Variants in CSMD3 observed in about 807,000 individuals in gnomAD.
The protein encoded by CSMD3 is CUB and Sushi multiple domains 3.
A neutral mutation model predicts 435.2 loss-of-function variants in CSMD3; 177 were observed. That is an observed-to-expected ratio of 0.41 (90% CI 0.36 to 0.46). CSMD3 has a LOEUF of 0.46. Ranked by LOEUF, CSMD3 falls within the 20% of genes least tolerant of loss-of-function variation. The pLI, the probability that CSMD3 is intolerant of heterozygous loss-of-function variation, is 0.34. For synonymous variants in CSMD3, 1,656 were observed against 1,520.5 expected, an observed-to-expected ratio of 1.09 and a Z score of -2.07; for missense variants, 4,265 against 4,504.6, an observed-to-expected ratio of 0.95 and a Z score of 1.52.
rs988511908 is a variant in CSMD3 at position 112,295,850 on chromosome 8, T to C, written c.8597A>G (p.Gln2866Arg). The change falls in exon 54 of 71, where the codon CAG (glutamine) becomes CGG (arginine). Residue 2866 changes from glutamine (Q) to arginine (R), a missense_variant. Gln to Arg is a conservative substitution (Grantham distance 43). Transcript: ENST00000297405. ...ICQQDHNWSG[Q>R]LPSCVPVSCG... The stretch of plus-strand genomic sequence containing the variant: ...TTACTTACGCACACAGGATGGGAGC[T>C]GACCAGACCAATTGTGATCCTGTTG... 1 of 1,613,954 alleles carries C rather than the reference T, an allele frequency of 6.2e-7. No individual in the cohort carries two copies. The highest frequency in any genetic ancestry group is 8.5e-7 in the Non-Finnish European group (1 of 1,179,960).
At chr8:113,151,001 G>A (rs1041905520) in intron 4 of CSMD3, among the ~76,000 whole-genome samples, 1 of 151,842 alleles carries the variant, frequency 6.6e-6, no homozygotes. Flanking sequence ...AGGGAATTTA[G>A]CACATAAAAA....
chr8:113,272,284 G>A (rs923039477), intron 3 of CSMD3, among the ~76,000 whole-genome samples: 1 of 152,256 alleles, frequency 6.6e-6, no homozygotes, highest in Admixed American at 6.5e-5. Flanking sequence ...GCAAAGGGCA[G>A]AATGATATGG....
chr8:113,162,159 GT>G (rs2092053066), intron 4 of CSMD3, among the ~76,000 whole-genome samples: 1 of 152,040 alleles, frequency 6.6e-6, no homozygotes, highest in Non-Finnish European at 1.5e-5. Context: ...TGGGTGGTTG[GT>G]GGGATTTTAT....
chr8:112,301,291 C>G (rs1285374604), intron 53 of CSMD3, among the ~76,000 whole-genome samples: 1 of 151,740 alleles, frequency 6.6e-6, no homozygotes, highest in Non-Finnish European at 1.5e-5. Context: ...GGGAAAACAT[C>G]CTAATTGCCT....
chr8:112,461,229 C>T (rs1817413867), intron 32 of CSMD3, among the ~76,000 whole-genome samples: 1 of 152,070 alleles, frequency 6.6e-6, no homozygotes, highest in African/African-American at 2.4e-5. Flanking sequence ...TCCTTGTTTA[C>T]AAAAGACTCC....
At chr8:112,594,801 G>A (rs1831537030) in intron 22 of CSMD3, among the ~76,000 whole-genome samples, 1 of 152,020 alleles carries the variant, frequency 6.6e-6, no homozygotes, top group South Asian at 2.1e-4. Context: ...TGCAGCTGAG[G>A]GTCCTGTCTG....
At chr8:113,377,017 G>T in intron 1 of CSMD3, 1 of 1,276,374 alleles carries the variant, frequency 7.8e-7, no homozygotes, top group Non-Finnish European at 1.0e-6. Flanking sequence ...CTTCTAGGGA[G>T]TGGGGTGGGG....
chr8:112,386,558 C>T (rs1829973327), intron 36 of CSMD3, among the ~76,000 whole-genome samples: 1 of 151,948 alleles, frequency 6.6e-6, no homozygotes, highest in Non-Finnish European at 1.5e-5. Context: ...AGTGCAGTGG[C>T]GCGATCTTAG....
At chr8:113,316,852 C>A (rs2093914405) in intron 1 of CSMD3, among the ~76,000 whole-genome samples, 1 of 152,090 alleles carries the variant, frequency 6.6e-6, no homozygotes, top group Non-Finnish European at 1.5e-5. Flanking sequence ...CAGGCCAAAA[C>A]AGCTACATAC....
At chr8:112,259,026 G>A (rs888803581) in intron 61 of CSMD3, among the ~76,000 whole-genome samples, 9 of 151,802 alleles carry the variant, frequency 5.9e-5, no homozygotes, top group Admixed American at 4.6e-4. Flanking sequence ...GCTACAGAGC[G>A]AGAATCTATC....
At chr8:112,446,629 T>C (rs1815635795) in intron 32 of CSMD3, among the ~76,000 whole-genome samples, 1 of 152,228 alleles carries the variant, frequency 6.6e-6, no homozygotes, top group African/African-American at 2.4e-5. Flanking sequence ...CTGATTTTTG[T>C]AGTTTTTAGG....
chr8:112,429,979 G>A (rs1309128257), intron 32 of CSMD3, among the ~76,000 whole-genome samples: 1 of 151,828 alleles, frequency 6.6e-6, no homozygotes, highest in Admixed American at 6.6e-5. Flanking sequence ...TTTAGCAACA[G>A]GTGGGATTAA....
rs76764087 is a variant in CSMD3, at chr8:113,305,631, T to G, written c.401+8940A>C. On this transcript the variant is annotated intron_variant, in intron 2 of 70. Transcript: ENST00000297405. ...GCCACCTCATTTCTTTTTGGCAAAA[T>G]GCCTGGTATAAACAATAAATAGTTG... Among the ~76,000 whole-genome samples the G allele has an allele frequency of 2.4e-4, 37 of 152,342 alleles. No homozygotes were observed. In the East Asian group the frequency reaches 6.7e-3, roughly 28 times the overall value.
chr8:112,425,864 CA>C (rs578236290), intron 32 of CSMD3, among the ~76,000 whole-genome samples: 2 of 150,038 alleles, frequency 1.3e-5, no homozygotes, highest in African/African-American at 2.4e-5. Context: ...ATTAAAGTAC[CA>C]AAAAAAAGAT....
chr8:113,188,120 G>T (rs1679741886), intron 3 of CSMD3, among the ~76,000 whole-genome samples: 1 of 151,830 alleles, frequency 6.6e-6, no homozygotes. Context: ...GGAAGCAATA[G>T]TTTTTATTTT....
At chr8:113,044,033 A>G (rs1587954844) in intron 5 of CSMD3, among the ~76,000 whole-genome samples, 1 of 152,112 alleles carries the variant, frequency 6.6e-6, no homozygotes, top group African/African-American at 2.4e-5. Flanking sequence ...ATATAGGTCA[A>G]TGGTTTTATA....
intron 3 of CSMD3, among the ~76,000 whole-genome samples, chr8:113,220,293 C>T (rs943269496): frequency 6.6e-6 from 1 of 151,158 alleles, no homozygotes; most frequent in Admixed American, 6.6e-5. Flanking sequence ...AACGAGGGCT[C>T]CTTGGAGAAA....
Position 113,431,074 on chromosome 8 carries a change from G to A in CSMD3, c.178+5603C>T, listed in dbSNP as rs375297488. On this transcript the variant is annotated intron_variant, in intron 1 of 70. Coordinates refer to ENST00000297405, the MANE Select transcript of CSMD3 (RefSeq NM_198123.2). The stretch of plus-strand genomic sequence containing the variant: ...AGCGATGTCCCTGAAGAGAATAAGA[G>A]CCTCACAAGGGGCCCAATTCTGAGA... Among the ~76,000 whole-genome samples, 71 of 152,206 alleles carry A rather than the reference G, an allele frequency of 4.7e-4. No individual in the cohort carries two copies. The South Asian group carries it at 0.015, about 32-fold the overall frequency.
chr8:113,376,313 A>G lies in CSMD3; in HGVS notation c.178+60364T>C, dbSNP rs1011523185. Among the ~76,000 whole-genome samples the G allele has an allele frequency of 5.3e-5, 8 of 152,170 alleles. No homozygotes were observed. The East Asian group carries it at 1.2e-3, about 22-fold the overall frequency. ...TATTTTTTCTTTAATATGAAATGTT[A>G]AAACATCTTTAATAATTTGGTATGT... is the stretch of plus-strand genomic sequence containing the variant. On this transcript the variant is annotated intron_variant, in intron 1 of 70. Coordinates refer to ENST00000297405, the MANE Select transcript of CSMD3 (RefSeq NM_198123.2).
Sources: allele counts gnomAD v4.1 joint callset (sites outside exome capture counted in the v4.1 genomes callset), GRCh38; gene constraint gnomAD v4.1.1; transcripts MANE v1.5; gene names NCBI Gene and HGNC (gene_info 2026-07-23, HGNC 2026-07-21).